The following DOK6 variants were observed in gnomAD, a reference collection of about 807,000 sequenced individuals.
DOK6 encodes downstream of tyrosine kinase 6.
Under a neutral mutation model 44.0 loss-of-function variants are expected in DOK6, and 22 were observed. The observed-to-expected ratio is 0.50, with a 90% CI of 0.36 to 0.71. DOK6 has a LOEUF of 0.71. Among genes scored for constraint, DOK6 ranks in the 30% least tolerant of loss-of-function variants. DOK6 has a pLI of 0.00. For synonymous variants in DOK6, 166 were observed against 145.5 expected (o/e 1.14, Z -1.01); for missense variants, 340 against 416.4 (o/e 0.82, Z 1.60).
At chr18:69,514,690 C>G (rs892339723) in intron 1 of DOK6, among the ~76,000 whole-genome samples, 4 of 150,288 alleles carry the variant, frequency 2.7e-5, no homozygotes, top group Non-Finnish European at 5.9e-5. Context: ...CATCTTTCAT[C>G]TAAACAAATT....
intron 1 of DOK6, among the ~76,000 whole-genome samples, chr18:69,438,592 T>A (rs533349701): frequency 6.6e-6 from 1 of 152,334 alleles, no homozygotes; most frequent in South Asian, 2.1e-4. Context: ...AGAAATGTTC[T>A]TCATCTAAAA....
intron 1 of DOK6, among the ~76,000 whole-genome samples, chr18:69,517,370 C>T (rs560436978): frequency 1.3e-5 from 2 of 152,094 alleles, no homozygotes; most frequent in East Asian, 3.9e-4. Flanking sequence ...AGATTTTATT[C>T]ATATTATTAG....
intron 6 of DOK6, among the ~76,000 whole-genome samples, chr18:69,750,233 G>T (rs1278710049): frequency 1.3e-5 from 2 of 151,842 alleles, no homozygotes; most frequent in Admixed American, 6.6e-5. Flanking sequence ...CATTTGGAAG[G>T]GTAGGGGCTA....
At chr18:69,809,568 AC>A (rs2145113993) in intron 7 of DOK6, among the ~76,000 whole-genome samples, 1 of 8,900 alleles carries the variant, frequency 1.1e-4, no homozygotes, top group Non-Finnish European at 3.2e-3. Context: ...ACACACAGAC[AC>A]ACACACACAC....
At chr18:69,620,111 A>T (rs1424542162) in intron 3 of DOK6, among the ~76,000 whole-genome samples, 1 of 152,144 alleles carries the variant, frequency 6.6e-6, no homozygotes, top group Non-Finnish European at 1.5e-5. Flanking sequence ...TATGCTTTTA[A>T]TACAATTATA....
rs201905045 is a variant in DOK6, at chr18:69,848,214, CTTTA to C, written c.*6836_*6839del. The C allele has an allele frequency of 3.0e-4, 45 of 152,102 alleles. No homozygotes were observed. The highest frequency in any genetic ancestry group is 9.6e-4 in the East Asian group (5 of 5,188). The allele number at this position is 152,102 out of a possible 1,614,324, so 9.4% of individuals were successfully genotyped here. On this transcript the variant is annotated 3_prime_UTR_variant, in exon 8 of 8. Transcript: ENST00000382713. ...TGTTATATATTTGCTTTTTGTAAAT[CTTTA>C]TTTAATTAATTTATATATACTTTGT...
chr18:69,844,017 C>T lies in DOK6; in HGVS notation c.*2634C>T, dbSNP rs1982294006. 1 of 152,086 alleles carries T rather than the reference C, an allele frequency of 6.6e-6. No homozygotes were observed. The highest frequency in any genetic ancestry group is 6.5e-5 in the Admixed American group (1 of 15,274). 9.4% of individuals were successfully genotyped at this position (152,086 alleles called of 1,614,324 possible). The stretch of plus-strand genomic sequence containing the variant: ...CAAACAGATAAATCTTCTACCAAAA[C>T]CAAAGATGGAAAGTCACTGCACCAG... On this transcript the variant is annotated 3_prime_UTR_variant, in exon 8 of 8. Transcript: ENST00000382713.
intron 1 of DOK6, among the ~76,000 whole-genome samples, chr18:69,485,401 GA>G (rs1411847444): frequency 6.6e-6 from 1 of 152,236 alleles, no homozygotes; most frequent in Non-Finnish European, 1.5e-5. Flanking sequence ...TAAAAAAGAA[GA>G]AAAGGTCCTT....
intron 7 of DOK6, chr18:69,832,769 T>C (rs1366759594): frequency 6.6e-6 from 1 of 152,038 alleles, no homozygotes; most frequent in Admixed American, 6.6e-5. Context: ...AGCAATTTCA[T>C]TTACAATGGC....
At chr18:69,512,390 C>G (rs1981397859) in intron 1 of DOK6, among the ~76,000 whole-genome samples, 1 of 130,278 alleles carries the variant, frequency 7.7e-6, no homozygotes, top group Non-Finnish European at 1.5e-5. Context: ...CCAGGCCAGG[C>G]TGGAATGCAA....
At chr18:69,404,697 C>T (rs1476975478) in intron 1 of DOK6, among the ~76,000 whole-genome samples, 1 of 151,930 alleles carries the variant, frequency 6.6e-6, no homozygotes, top group Non-Finnish European at 1.5e-5. Context: ...ATAGTGTCTT[C>T]TACAGACATT....
At chr18:69,482,858 G>A (rs1980468684) in intron 1 of DOK6, among the ~76,000 whole-genome samples, 1 of 151,830 alleles carries the variant, frequency 6.6e-6, no homozygotes, top group Admixed American at 6.6e-5. Flanking sequence ...ACTAAATGCT[G>A]TTCTTTTAAA....
At chr18:69,611,179 T>C (rs1456270373) in intron 3 of DOK6, among the ~76,000 whole-genome samples, 1 of 152,186 alleles carries the variant, frequency 6.6e-6, no homozygotes, top group Non-Finnish European at 1.5e-5. Context: ...CTATGTGAAT[T>C]TGTGCATGAA....
At chr18:69,809,339 T>A (rs929844183) in intron 7 of DOK6, among the ~76,000 whole-genome samples, 1 of 151,696 alleles carries the variant, frequency 6.6e-6, no homozygotes, top group African/African-American at 2.4e-5. Context: ...AAACCCACAG[T>A]TAACATCATA....
intron 1 of DOK6, among the ~76,000 whole-genome samples, chr18:69,507,923 G>T (rs1176136650): frequency 6.6e-6 from 1 of 152,066 alleles, no homozygotes; most frequent in African/African-American, 2.4e-5. Flanking sequence ...AGAGGGAAGA[G>T]AAGACAATTT....
chr18:69,804,828 A>C (rs1393351163), intron 7 of DOK6, among the ~76,000 whole-genome samples: 4 of 152,122 alleles, frequency 2.6e-5, no homozygotes, highest in Non-Finnish European at 5.9e-5. Context: ...CTGCAGCCTC[A>C]GTTATGGACA....
chr18:69,564,671 A>T, intron 2 of DOK6, 77 bp downstream of exon 2: 1 of 1,204,448 alleles, frequency 8.3e-7, no homozygotes, highest in Non-Finnish European at 1.2e-6. Context: ...TTGATAAATG[A>T]AATCTTCAGT....
At chr18:69,695,579 A>T (rs918857567) in intron 4 of DOK6, among the ~76,000 whole-genome samples, 4 of 152,242 alleles carry the variant, frequency 2.6e-5, no homozygotes, top group African/African-American at 9.6e-5. Context: ...CTAAGAGAAT[A>T]CACTGATACA....
At chr18:69,458,547 T>A (rs542140846) in intron 1 of DOK6, among the ~76,000 whole-genome samples, 1 of 152,194 alleles carries the variant, frequency 6.6e-6, no homozygotes, top group Admixed American at 6.5e-5. Context: ...GTCAGAGAAG[T>A]CAGGCAAGGG....
Sources: allele counts gnomAD v4.1 joint callset (sites outside exome capture counted in the v4.1 genomes callset), GRCh38; gene constraint gnomAD v4.1.1; transcripts MANE v1.5; gene names NCBI Gene and HGNC (gene_info 2026-07-23, HGNC 2026-07-21).